TAFA4: variants seen among roughly 807,000 people sequenced by gnomAD.
The protein encoded by TAFA4 is TAFA chemokine like family member 4.
A neutral mutation model predicts 21.1 loss-of-function variants in TAFA4; 20 were observed. That is an observed-to-expected ratio of 0.95 (90% CI 0.67 to 1.38). TAFA4 has a LOEUF of 1.38. Ranked by LOEUF, TAFA4 falls within the 40% of genes most tolerant of loss-of-function variation. The pLI, the probability that TAFA4 is intolerant of heterozygous loss-of-function variation, is 0.00. For synonymous variants in TAFA4, 71 were observed against 67.4 expected, an observed-to-expected ratio of 1.05 and a Z score of -0.26; for missense variants, 211 against 180.9, an observed-to-expected ratio of 1.17 and a Z score of -0.95.
intron 5 of TAFA4, among the ~76,000 whole-genome samples, chr3:68,738,129 T>C (rs1333927452): frequency 6.6e-6 from 1 of 152,030 alleles, no homozygotes; most frequent in Non-Finnish European, 1.5e-5. Flanking sequence ...CTGAATTCAA[T>C]CAGGAAAGAA....
rs140614096 is a variant in TAFA4 at position 68,768,728 on chromosome 3, G to A, written c.131-15710C>T. 6.6e-5 allele frequency among the ~76,000 whole-genome samples: 10 copies of A among 152,156 alleles called. No individual in the cohort carries two copies. In the East Asian group the frequency reaches 9.7e-4, roughly 15 times the overall value. ...TGGATGAATGGGTAAATAAAATATC[G>A]TATATATACACAATGGCATACTATC... On this transcript the variant is annotated intron_variant, in intron 3 of 5. Transcript: ENST00000295569.
At chr3:68,787,646 C>A (rs1029528306) in intron 3 of TAFA4, among the ~76,000 whole-genome samples, 1 of 152,210 alleles carries the variant, frequency 6.6e-6, no homozygotes, top group African/African-American at 2.4e-5. Flanking sequence ...CTGATCTACA[C>A]CACAAGCAGC....
intron 4 of TAFA4, among the ~76,000 whole-genome samples, chr3:68,741,523 C>T (rs562165347): frequency 3.8e-4 from 58 of 152,102 alleles, no homozygotes; most frequent in African/African-American, 1.1e-3. Flanking sequence ...GGCCGGGTGC[C>T]GTGACTCATG....
At chr3:68,735,092 C>G (rs890004574) in intron 5 of TAFA4, among the ~76,000 whole-genome samples, 3 of 152,000 alleles carry the variant, frequency 2.0e-5, no homozygotes, top group South Asian at 2.1e-4. Flanking sequence ...ATCAGGGTAC[C>G]CTGAGCATTT....
intron 3 of TAFA4, among the ~76,000 whole-genome samples, chr3:68,869,337 G>A (rs1026138055): frequency 1.4e-5 from 2 of 145,962 alleles, no homozygotes; most frequent in African/African-American, 5.6e-5. Flanking sequence ...ATGAAGAAGA[G>A]GTAATATGTG....
intron 4 of TAFA4, among the ~76,000 whole-genome samples, chr3:68,748,714 A>G (rs1014935336): frequency 4.0e-5 from 6 of 151,772 alleles, no homozygotes; most frequent in Non-Finnish European, 7.4e-5. Flanking sequence ...ACTGCACTCC[A>G]GCCTGGGCGA....
At chr3:68,840,845 C>A (rs9876663) in intron 3 of TAFA4, among the ~76,000 whole-genome samples, 91 of 152,282 alleles carry the variant, frequency 6.0e-4, no homozygotes, top group African/African-American at 2.0e-3. Context: ...TTGCCCATGG[C>A]TAGACTAACC....
intron 3 of TAFA4, among the ~76,000 whole-genome samples, chr3:68,868,578 T>C (rs77707423): frequency 0.021 from 3,225 of 151,986 alleles, 117 homozygotes; most frequent in African/African-American, 0.074. Context: ...GGAATAAACG[T>C]AGAAATCAGT....
At chr3:68,829,189 A>G (rs1230605847) in intron 3 of TAFA4, among the ~76,000 whole-genome samples, 4 of 152,232 alleles carry the variant, frequency 2.6e-5, no homozygotes, top group African/African-American at 7.2e-5. Flanking sequence ...TGGTACTAGT[A>G]CCAAAACAGA....
At chr3:68,921,736 T>C (rs956820654) in intron 1 of TAFA4, among the ~76,000 whole-genome samples, 1 of 152,236 alleles carries the variant, frequency 6.6e-6, no homozygotes, top group East Asian at 1.9e-4. Context: ...CACCTGCCGA[T>C]AGGATTACAA....
rs77987924 is a variant in TAFA4, at chr3:68,866,775, G to A, written c.130+13955C>T. On this transcript the variant is annotated intron_variant, in intron 3 of 5. Transcript: ENST00000295569. Reference sequence around the variant, plus strand: ...CTGGAACTGAGAAATTCATGTGTTGGACCACAAAATGCATTAGAAGTTCTC... The same window carrying A: ...CTGGAACTGAGAAATTCATGTGTTGAACCACAAAATGCATTAGAAGTTCTC... Among the ~76,000 whole-genome samples the A allele has an allele frequency of 2.7e-3, 411 of 150,548 alleles. 5 individuals are homozygous for A. The highest frequency in any genetic ancestry group is 9.5e-3 in the African/African-American group (389 of 41,056).
chr3:68,825,505 T>C (rs928420550), intron 3 of TAFA4, among the ~76,000 whole-genome samples: 24 of 148,582 alleles, frequency 1.6e-4, no homozygotes, highest in Admixed American at 4.6e-4. Context: ...AAGTAACAGT[T>C]TCTTTAATGG....
Position 68,855,991 on chromosome 3 carries a change from A to G in TAFA4, c.130+24739T>C, listed in dbSNP as rs185908781. Among the ~76,000 whole-genome samples the G allele has an allele frequency of 1.4e-4, 22 of 152,242 alleles. No homozygotes were observed. In the East Asian group the frequency reaches 3.3e-3, roughly 23 times the overall value. ...AAAACTAAAGAGCTGTGTTCCCACCACAACAAAACTCCCAAACTAAGATGG... is the reference window on the plus strand; with the variant it reads ...AAAACTAAAGAGCTGTGTTCCCACCGCAACAAAACTCCCAAACTAAGATGG... On this transcript the variant is annotated intron_variant, in intron 3 of 5. Coordinates refer to ENST00000295569, the MANE Select transcript of TAFA4 (RefSeq NM_182522.5).
At position 68,885,959 on chromosome 3, in the gene TAFA4, A is replaced by G. The variant is rs896224084; in HGVS notation, c.-122-649T>C. Among the ~76,000 whole-genome samples, 6 of 152,208 alleles carry G rather than the reference A, an allele frequency of 3.9e-5. No homozygotes were observed. In the East Asian group the frequency reaches 9.6e-4, roughly 24 times the overall value. On this transcript the variant is annotated intron_variant, in intron 1 of 5. Transcript: ENST00000295569. Reference sequence around the variant, plus strand: ...ACACATTTGTAAAAGGACTCAGATGACCCTAAAGCAAACACATCTTAAGAA... The same window carrying G: ...ACACATTTGTAAAAGGACTCAGATGGCCCTAAAGCAAACACATCTTAAGAA...
intron 3 of TAFA4, among the ~76,000 whole-genome samples, chr3:68,795,001 TACACACACACACACACAC>T (rs3048125): frequency 6.9e-6 from 1 of 143,980 alleles, no homozygotes. Context: ...TGTGTCTCAA[TACACACACACACACACAC>T]ACACACACAC....
intron 3 of TAFA4, among the ~76,000 whole-genome samples, chr3:68,842,583 A>G (rs1275928127): frequency 6.6e-6 from 1 of 152,100 alleles, no homozygotes; most frequent in African/African-American, 2.4e-5. Flanking sequence ...TTTTGTTGCC[A>G]TTGCTTTTGG....
At chr3:68,794,503 C>T (rs752037640) in intron 3 of TAFA4, among the ~76,000 whole-genome samples, 2 of 152,146 alleles carry the variant, frequency 1.3e-5, no homozygotes, top group South Asian at 2.1e-4. Flanking sequence ...TCTCCTCCCC[C>T]GCACCATTCA....
chr3:68,805,832 T>C (rs936225926), intron 3 of TAFA4, among the ~76,000 whole-genome samples: 1 of 151,970 alleles, frequency 6.6e-6, no homozygotes, highest in African/African-American at 2.4e-5. Flanking sequence ...AGGGGGATAG[T>C]ATTAGGAGAT....
chr3:68,898,475 C>A (rs1354737689), intron 1 of TAFA4, among the ~76,000 whole-genome samples: 4 of 152,094 alleles, frequency 2.6e-5, no homozygotes, highest in African/African-American at 9.7e-5. Context: ...AGTGAAAACC[C>A]ATCTCTACTA....
Sources: gnomAD v4.1 joint callset for allele counts (sites outside exome capture counted in the v4.1 genomes callset) on GRCh38, gnomAD v4.1.1 for gene constraint, MANE v1.5 for transcripts, NCBI Gene and HGNC (gene_info 2026-07-23, HGNC 2026-07-21) for gene names.